DTX1: variants seen among roughly 807,000 people sequenced by gnomAD.
DTX1 encodes the protein deltex E3 ubiquitin ligase 1.
DTX1 carries 26 observed loss-of-function variants against 57.8 expected under a neutral mutation model. The observed-to-expected ratio is 0.45, with a 90% CI of 0.33 to 0.62. DTX1 has a LOEUF of 0.62. DTX1 is among the 20% of genes least tolerant of loss of function. The probability of loss-of-function intolerance (pLI) is 0.02; values close to 1 mark genes in which losing one functional copy is unlikely to be tolerated. For missense variants in DTX1, 704 were observed against 895.3 expected, an observed-to-expected ratio of 0.79 and a Z score of 2.73; for synonymous variants, 398 against 394.1, an observed-to-expected ratio of 1.01 and a Z score of -0.12.
At chr12:113,062,748 G>A (rs979733724) in intron 2 of DTX1, among the ~76,000 whole-genome samples, 4 of 152,236 alleles carry the variant, frequency 2.6e-5, no homozygotes, top group Admixed American at 6.5e-5. Context: ...TGCAGCCAGC[G>A]GAAGAAAGCC....
chr12:113,096,754 A>C lies in DTX1; in HGVS notation c.1678A>C (p.Ile560Leu). ...LLITAWERRL[I>L]FTIGTSNTTG... ...CATCACGGCCTGGGAGAGAAGACTC[A>C]TCTTCACTATCGGCACGTCCAACAC... Residue 560 changes from isoleucine (I) to leucine (L), a missense_variant, in exon 10 of 10, where the codon ATC (isoleucine) becomes CTC (leucine). Around this residue, in one of 3 missense-constraint regions of DTX1, gnomAD observed 168 missense variants for 255.6 expected, o/e 0.66. Transcript: ENST00000548759. The C allele has an allele frequency of 6.2e-7, 1 of 1,613,662 alleles. No homozygotes were observed. Among genetic ancestry groups the C allele is most frequent in the Non-Finnish European group, 8.5e-7 (1 of 1,179,996 alleles).
At position 113,095,393 on chromosome 12, in the gene DTX1, C is replaced by T; in HGVS notation, c.1617C>T (p.Pro539=). The T allele has an allele frequency of 6.2e-7, 1 of 1,614,226 alleles. No individual in the cohort carries two copies. Among genetic ancestry groups the T allele is most frequent in the Non-Finnish European group, 8.5e-7 (1 of 1,180,044 alleles). The change falls in exon 9 of 10, where the codon CCC becomes CCT. Residue 539 remains proline (P), a synonymous_variant. Transcript: ENST00000548759. ...GATTCCCTCGCCACTGCTATCTACC[C>T]AACAACGAGAAAGGCCGGAAGGTGG... The part of the protein sequence containing the change: ...ARGFPRHCYL[P]NNEKGRKVLR...
intron 3 of DTX1, among the ~76,000 whole-genome samples, chr12:113,089,264 G>T (rs1450650270): frequency 6.6e-6 from 1 of 152,168 alleles, no homozygotes; most frequent in Admixed American, 6.5e-5. Context: ...TCAGAGGGTA[G>T]ATGGGGGCCA....
chr12:113,073,762 G>A (rs1203141113), intron 2 of DTX1, among the ~76,000 whole-genome samples: 2 of 152,202 alleles, frequency 1.3e-5, no homozygotes, highest in Non-Finnish European at 2.9e-5. Context: ...CCAGGCACCC[G>A]AGGAAGATGC....
intron 2 of DTX1, among the ~76,000 whole-genome samples, chr12:113,066,676 A>G (rs1449787254): frequency 1.3e-5 from 2 of 151,938 alleles, no homozygotes; most frequent in Admixed American, 6.6e-5. Flanking sequence ...GTCACTATTC[A>G]TTCATTCATC....
intron 2 of DTX1, among the ~76,000 whole-genome samples, chr12:113,075,917 T>G (rs1244388950): frequency 1.3e-5 from 2 of 151,706 alleles, no homozygotes; most frequent in African/African-American, 2.4e-5. Context: ...GATATAGCAG[T>G]AAATAAAACA....
At chr12:113,058,480 G>A (rs752161227) in intron 2 of DTX1, 29 bp downstream of exon 2, 13 of 1,564,288 alleles carry the variant, frequency 8.3e-6, no homozygotes, top group African/African-American at 2.7e-5. Context: ...CATGCCACCC[G>A]CCCCGCCGAG....
At chr12:113,089,012 C>T (rs1837044104) in intron 3 of DTX1, among the ~76,000 whole-genome samples, 1 of 152,140 alleles carries the variant, frequency 6.6e-6, no homozygotes, top group Non-Finnish European at 1.5e-5. Flanking sequence ...AAGATCTTGT[C>T]TATAAATAAA....
Position 113,058,129 on chromosome 12 carries a change from G to C in DTX1, c.-64G>C. 6.7e-7 allele frequency: 1 copy of C among 1,490,336 alleles called. No individual in the cohort carries two copies. The highest frequency in any genetic ancestry group is 8.9e-7 in the Non-Finnish European group (1 of 1,121,242). The allele number at this position is 1,490,336 out of a possible 1,614,324, so 92.3% of individuals were successfully genotyped here. A position where few individuals can be genotyped will look rare whatever the true frequency, so the allele number is the denominator to read the frequency against. ...GGGAGAGAGGAAGTTGCCGCCTGCT[G>C]CCAGGCCCAGGAGGAGCTGGGCCTG... is the stretch of plus-strand genomic sequence containing the variant. On this transcript the variant is annotated 5_prime_UTR_variant, in exon 2 of 10. Transcript: ENST00000548759.
rs927090937 is a variant in DTX1 at position 113,057,986 on chromosome 12, CAG to C, written c.-206_-205del. The stretch of plus-strand genomic sequence containing the variant: ...GCACCCTTTATCGGAGAAGGCTCTA[CAG>C]GGAAGGGGTCTTTGCAGCCTGGATG... On this transcript the variant is annotated 5_prime_UTR_variant, in exon 2 of 10. Coordinates refer to ENST00000548759, the MANE Select transcript of DTX1 (RefSeq NM_004416.3). The C allele has an allele frequency of 8.1e-5, 60 of 741,742 alleles. No individual in the cohort carries two copies. In the African/African-American group the frequency reaches 8.9e-4, roughly 11 times the overall value. The allele number at this position is 741,742 out of a possible 1,614,324, so 45.9% of individuals were successfully genotyped here.
chr12:113,064,993 G>A (rs768133605), intron 2 of DTX1, among the ~76,000 whole-genome samples: 16 of 152,224 alleles, frequency 1.1e-4, no homozygotes, highest in Non-Finnish European at 2.2e-4. Flanking sequence ...CTTCAGCAGG[G>A]TCCTGGAGGA....
intron 2 of DTX1, among the ~76,000 whole-genome samples, chr12:113,061,455 G>A (rs868297037): frequency 6.6e-6 from 1 of 152,192 alleles, no homozygotes; most frequent in East Asian, 1.9e-4. Flanking sequence ...GTAACGCACT[G>A]GAAAAGAGCC....
intron 3 of DTX1, among the ~76,000 whole-genome samples, chr12:113,092,674 A>T (rs967595802): frequency 6.6e-6 from 1 of 152,210 alleles, no homozygotes; most frequent in African/African-American, 2.4e-5. Context: ...AGAGCCTTTA[A>T]TATGCTCAGA....
Position 113,093,375 on chromosome 12 carries a change from G to A in DTX1, c.1003+152G>A. 2 of 1,327,086 alleles carry A rather than the reference G, an allele frequency of 1.5e-6. No homozygotes were observed. The highest frequency in any genetic ancestry group is 2.0e-6 in the Non-Finnish European group (2 of 993,536). 82.2% of individuals were successfully genotyped at this position (1,327,086 alleles called of 1,614,324 possible). On this transcript the variant is annotated intron_variant, in intron 4 of 9. Coordinates refer to ENST00000548759, the MANE Select transcript of DTX1 (RefSeq NM_004416.3). The surrounding 1 kb of genome is among the most constrained non-coding windows in gnomAD (Gnocchi z 4.2). ...TGGGCCCAGGACACAGGGCGGGCGT[G>A]GCCCGCAGAAAGGCCCTTCAGGGGC...
intron 1 of DTX1, 99 bp downstream of exon 1, chr12:113,057,043 C>T (rs1363117171): frequency 6.6e-6 from 1 of 152,192 alleles, no homozygotes; most frequent in African/African-American, 2.4e-5. Context: ...GCTGTTACCC[C>T]CAGGGCGGGA....
In DTX1 at chr12:113,094,059, T is replaced by A. The variant is rs1274727092; in HGVS notation, c.1187T>A (p.Val396Asp). 6.4e-7 allele frequency: 1 copy of A among 1,574,412 alleles called. No individual in the cohort carries two copies. Among genetic ancestry groups the A allele is most frequent in the Non-Finnish European group, 8.6e-7 (1 of 1,159,132 alleles). ...GCAGGTAAGAATCCCGAGGATGTGG[T>A]TCGAAGATACATGCAGAAGGTGAAA... ...LKKSKNPEDV[V>D]RRYMQKVKNP... The change falls in exon 6 of 10, where the codon GTT becomes GAT. Residue 396 changes from valine (V) to aspartate (D), a missense_variant. Val to Asp is a radical substitution (Grantham distance 152, BLOSUM62 -3). Around this residue, in one of 3 missense-constraint regions of DTX1, gnomAD observed 299 missense variants for 311.2 expected, o/e 0.96. Coordinates refer to ENST00000548759, the MANE Select transcript of DTX1 (RefSeq NM_004416.3).
At chr12:113,092,210 A>C (rs1346247698) in intron 3 of DTX1, among the ~76,000 whole-genome samples, 2 of 152,162 alleles carry the variant, frequency 1.3e-5, no homozygotes, top group African/African-American at 2.4e-5. Context: ...TTACTCGGCC[A>C]GGATTGCACA....
rs149466779 is a variant in DTX1 at position 113,058,438 on chromosome 12, T to A, written c.246T>A (p.Phe82Leu). Reference protein sequence around the residue: ...YIIDLQSMHQFRQDTGTMRPV... With the variant: ...YIIDLQSMHQLRQDTGTMRPV... Reference sequence around the variant, plus strand: ...TCGACCTGCAGTCCATGCACCAGTTTCGCCAGGACACAGGTGAGCAGACAC... The same window carrying A: ...TCGACCTGCAGTCCATGCACCAGTTACGCCAGGACACAGGTGAGCAGACAC... The change falls in exon 2 of 10, where the codon TTT becomes TTA. Residue 82 changes from phenylalanine to leucine, a missense_variant. Phe to Leu is a conservative substitution (Grantham distance 22). Coordinates refer to ENST00000548759, the MANE Select transcript of DTX1 (RefSeq NM_004416.3). The A allele has an allele frequency of 2.5e-6, 4 of 1,601,642 alleles. No individual in the cohort carries two copies. The highest frequency in any genetic ancestry group is 1.3e-5 in the African/African-American group (1 of 74,892).
At chr12:113,066,395 G>A (rs550980928) in intron 2 of DTX1, among the ~76,000 whole-genome samples, 406 of 152,216 alleles carry the variant, frequency 2.7e-3, no homozygotes, top group African/African-American at 9.2e-3. Flanking sequence ...GGGCATGGTG[G>A]TGGGCGCCTG....
Sources: allele counts gnomAD v4.1 joint callset (sites outside exome capture counted in the v4.1 genomes callset), GRCh38; gene constraint gnomAD v4.1.1; regional missense constraint gnomAD v4.1.1; non-coding constraint Gnocchi (gnomAD v3.1); transcripts MANE v1.5; gene names NCBI Gene and HGNC (gene_info 2026-07-23, HGNC 2026-07-21).